Variants in ATG7 observed in about 807,000 individuals in gnomAD.
The protein encoded by ATG7 is autophagy related 7, also known as ubiquitin-like modifier-activating enzyme ATG7.
In ATG7, 70 loss-of-function variants were observed where a neutral mutation model predicts 82.4. The ratio of observed to expected loss-of-function variants is 0.85; its 90% CI spans 0.70 to 1.04. The LOEUF is 1.04. Ranked by LOEUF, ATG7 falls within the 50% of genes least tolerant of loss-of-function variation. ATG7 has a pLI of 0.00. For missense variants in ATG7, 792 were observed against 864.3 expected, an observed-to-expected ratio of 0.92 and a Z score of 1.05; for synonymous variants, 287 against 313.0, an observed-to-expected ratio of 0.92 and a Z score of 0.88.
chr3:11,468,248 C>G (rs2087037570), intron 20 of ATG7, among the ~76,000 whole-genome samples: 1 of 152,164 alleles, frequency 6.6e-6, no homozygotes, highest in Admixed American at 6.5e-5. Flanking sequence ...GATTTTGGTA[C>G]CAATCACCCG....
At chr3:11,336,946 T>G (rs1439413529) in intron 11 of ATG7, among the ~76,000 whole-genome samples, 2 of 152,208 alleles carry the variant, frequency 1.3e-5, no homozygotes, top group African/African-American at 4.8e-5. Context: ...GTGCTGGGAC[T>G]ACAGGTGTGA....
chr3:11,413,993 G>C (rs912204830), intron 19 of ATG7, among the ~76,000 whole-genome samples: 1 of 109,220 alleles, frequency 9.2e-6, no homozygotes, highest in Non-Finnish European at 2.3e-5. Context: ...TTTCATCTAG[G>C]TTATGGTATT....
At chr3:11,484,073 C>CT (rs1407296073) in intron 20 of ATG7, among the ~76,000 whole-genome samples, 1 of 152,136 alleles carries the variant, frequency 6.6e-6, no homozygotes, top group East Asian at 1.9e-4. Flanking sequence ...AGTTTGCAGC[C>CT]TAAGAGGAAG....
At chr3:11,288,548 T>G (rs1241411992) in intron 3 of ATG7, 1 of 152,194 alleles carries the variant, frequency 6.6e-6, no homozygotes, top group Non-Finnish European at 1.5e-5. Flanking sequence ...TTTAGTTATT[T>G]CTGTATTGTT....
At chr3:11,545,786 C>G (rs2071229349) in intron 20 of ATG7, among the ~76,000 whole-genome samples, 1 of 152,214 alleles carries the variant, frequency 6.6e-6, no homozygotes, top group Admixed American at 6.5e-5. Flanking sequence ...CTCCTCTAGT[C>G]CCTGTAGCCA....
chr3:11,285,118 A>G (rs1363358984), intron 3 of ATG7, among the ~76,000 whole-genome samples: 17 of 138,738 alleles, frequency 1.2e-4, no homozygotes, highest in African/African-American at 1.1e-4. Context: ...CCAGAGTGCT[A>G]GGATTACAGG....
At chr3:11,370,703 C>T (rs1187292526) in intron 18 of ATG7, among the ~76,000 whole-genome samples, 6 of 151,112 alleles carry the variant, frequency 4.0e-5, no homozygotes, top group Non-Finnish European at 4.4e-5. Context: ...GTGAAAACAC[C>T]ACCAGGGGTG....
chr3:11,451,755 ATAT>A (rs1332553274), intron 20 of ATG7, among the ~76,000 whole-genome samples: 5 of 103,224 alleles, frequency 4.8e-5, no homozygotes, highest in Non-Finnish European at 1.2e-4. Context: ...ACCATAGAAA[ATAT>A]TACGTGTATA....
chr3:11,286,356 A>G (rs1243684447), intron 3 of ATG7, among the ~76,000 whole-genome samples: 1 of 152,168 alleles, frequency 6.6e-6, no homozygotes, highest in Admixed American at 6.5e-5. Context: ...TTAGTCCTGA[A>G]AAAACAATAA....
At chr3:11,449,135 T>C (rs533469280) in intron 20 of ATG7, among the ~76,000 whole-genome samples, 2 of 152,352 alleles carry the variant, frequency 1.3e-5, no homozygotes, top group South Asian at 2.1e-4. Context: ...TGTGAAGGAA[T>C]GCAGCGTGAG....
downstream of ATG7, chr3:11,559,458 G>A (rs997467203): frequency 6.4e-7 from 1 of 1,556,126 alleles, no homozygotes; most frequent in Non-Finnish European, 8.7e-7. Flanking sequence ...GGCCGGTTCT[G>A]CGGGGAGGAG....
At chr3:11,561,678 CT>C (rs1674117838), downstream of ATG7, among the ~76,000 whole-genome samples, 1 of 152,148 alleles carries the variant, frequency 6.6e-6, no homozygotes, top group African/African-American at 2.4e-5. Flanking sequence ...CCCCCACACC[CT>C]TATTTTCCAG....
chr3:11,467,146 A>C (rs2086915587), intron 20 of ATG7, among the ~76,000 whole-genome samples: 1 of 3,932 alleles, frequency 2.5e-4, no homozygotes. Flanking sequence ...AAAACAAACA[A>C]AAAAAACTGA....
chr3:11,386,348 CTGTTAATTGGTGA>C (rs2078314318), intron 19 of ATG7, among the ~76,000 whole-genome samples: 2 of 152,114 alleles, frequency 1.3e-5, no homozygotes, highest in Non-Finnish European at 2.9e-5. Context: ...ATTTAGATCA[CTGTTAATTGGTGA>C]TGTCAACACT....
intron 20 of ATG7, among the ~76,000 whole-genome samples, chr3:11,544,923 T>A (rs1456318146): frequency 6.6e-6 from 1 of 152,162 alleles, no homozygotes; most frequent in Admixed American, 6.5e-5. Context: ...GGAAGTCAGA[T>A]GCACAGACTA....
At chr3:11,428,155 C>G (rs2082534838) in intron 20 of ATG7, among the ~76,000 whole-genome samples, 2 of 152,194 alleles carry the variant, frequency 1.3e-5, no homozygotes, top group Admixed American at 1.3e-4. Context: ...GGTGGCAAAA[C>G]TCCCCCAGCC....
At chr3:11,286,675 T>C (rs1944110319) in intron 3 of ATG7, among the ~76,000 whole-genome samples, 1 of 143,878 alleles carries the variant, frequency 7.0e-6, no homozygotes, top group Admixed American at 7.2e-5. Flanking sequence ...CTTGGCTTAC[T>C]GCAGCCTTAA....
At chr3:11,324,932 G>A (rs992070966) in intron 9 of ATG7, among the ~76,000 whole-genome samples, 1 of 152,128 alleles carries the variant, frequency 6.6e-6, no homozygotes. Flanking sequence ...TGATGTTTCA[G>A]TCAACAATGG....
At chr3:11,530,086 G>C (rs1346985943) in intron 20 of ATG7, among the ~76,000 whole-genome samples, 1 of 152,206 alleles carries the variant, frequency 6.6e-6, no homozygotes, top group Non-Finnish European at 1.5e-5. Flanking sequence ...GGTCTTGGCT[G>C]GAGGGTGGTG....
Sources: allele counts gnomAD v4.1 joint callset (sites outside exome capture counted in the v4.1 genomes callset), GRCh38; gene constraint gnomAD v4.1.1; transcripts MANE v1.5; gene names NCBI Gene and HGNC (gene_info 2026-07-23, HGNC 2026-07-21).